The following ABI3BP variants were observed in gnomAD, a reference collection of about 807,000 sequenced individuals.
ABI3BP encodes the protein target of Nesh-SH3.
In ABI3BP, 216 loss-of-function variants were observed where a neutral mutation model predicts 268.6. The observed-to-expected ratio is 0.80, with a 90% CI of 0.72 to 0.90. The LOEUF (loss-of-function observed/expected upper bound fraction) is 0.90. Among genes scored for constraint, ABI3BP ranks in the 40% least tolerant of loss-of-function variants. ABI3BP has a pLI of 0.00. For missense variants in ABI3BP, 2,090 were observed against 2,182.4 expected (o/e 0.96, Z 0.84); for synonymous variants, 730 against 730.0 (o/e 1.00, Z 0.00).
chr3:100,895,279 T>TA (rs2047137563), intron 4 of ABI3BP, among the ~76,000 whole-genome samples: 1 of 152,082 alleles, frequency 6.6e-6, no homozygotes, highest in Admixed American at 6.6e-5. Context: ...ACATCTGCTC[T>TA]CCGATGTGAA....
intron 27 of ABI3BP, 146 bp from the exon 28 acceptor site, chr3:100,835,806 C>A: frequency 1.5e-6 from 1 of 666,478 alleles, no homozygotes; most frequent in Non-Finnish European, 2.5e-6. Flanking sequence ...CCTAAGTAGC[C>A]AAACTATCAT....
At chr3:100,908,536 G>A (rs1281189936) in intron 2 of ABI3BP, among the ~76,000 whole-genome samples, 1 of 150,768 alleles carries the variant, frequency 6.6e-6, no homozygotes, top group Non-Finnish European at 1.5e-5. Flanking sequence ...ATCTCCTTAA[G>A]CTGATAAGCA....
chr3:100,910,201 G>A (rs966590809), intron 2 of ABI3BP, among the ~76,000 whole-genome samples: 10 of 152,094 alleles, frequency 6.6e-5, no homozygotes, highest in East Asian at 1.9e-4. Context: ...TTAGTGGGAG[G>A]TGAACAATGA....
chr3:100,756,931 A>AT (rs1156487098), intron 63 of ABI3BP, among the ~76,000 whole-genome samples: 2 of 152,038 alleles, frequency 1.3e-5, no homozygotes, highest in African/African-American at 4.8e-5. Context: ...TGTTGGTAAA[A>AT]TTTTTTCTGA....
chr3:100,865,234 AG>A (rs1395101400), intron 10 of ABI3BP, among the ~76,000 whole-genome samples: 1 of 152,214 alleles, frequency 6.6e-6, no homozygotes, highest in African/African-American at 2.4e-5. Flanking sequence ...AGAGTAAACA[AG>A]CACATGATTA....
At chr3:100,798,970 C>T (rs1264686997) in intron 51 of ABI3BP, among the ~76,000 whole-genome samples, 1 of 152,114 alleles carries the variant, frequency 6.6e-6, no homozygotes, top group Admixed American at 6.6e-5. Flanking sequence ...CTGGCTTTCC[C>T]TGTGCTCTTG....
chr3:100,829,646 C>T lies in ABI3BP; in HGVS notation c.2477G>A (p.Arg826Gln), dbSNP rs1465448557. The T allele has an allele frequency of 9.8e-6, 15 of 1,535,474 alleles. No individual in the cohort carries two copies. The highest frequency in any genetic ancestry group is 1.2e-5 in the South Asian group (1 of 84,028). ...AGGTTTGGGATGTGGACGATGAGTT[C>T]GTTGAGGCACTTTGGGAGCTAAAGG... ...GTTAAPKVPQRTHRPHPKPKT... is the reference protein window; with the variant it reads ...GTTAAPKVPQQTHRPHPKPKT... Residue 826 changes from arginine to glutamine, a missense_variant, in exon 33 of 68, where the codon CGA becomes CAA. Transcript: ENST00000471714.
In ABI3BP at chr3:100,956,264, T is replaced by C. The variant is rs866553135; in HGVS notation, c.80-29783A>G. 1.3e-3 allele frequency among the ~76,000 whole-genome samples: 170 copies of C among 135,478 alleles called. 2 individuals are homozygous for C. The highest frequency in any genetic ancestry group is 4.6e-3 in the African/African-American group (159 of 34,518). The allele number at this position is 135,478 out of a possible 152,430, so 88.9% of individuals were successfully genotyped here. On this transcript the variant is annotated intron_variant, in intron 1 of 67. Transcript: ENST00000471714. The stretch of plus-strand genomic sequence containing the variant: ...ACACACACACACACACACACACATA[T>C]GGCATGTCAAATGATGGGGTAGATA...
intron 2 of ABI3BP, among the ~76,000 whole-genome samples, chr3:100,913,972 C>G (rs1196276687): frequency 6.6e-6 from 1 of 152,138 alleles, no homozygotes; most frequent in Non-Finnish European, 1.5e-5. Flanking sequence ...TCTTCTACCC[C>G]TTTAATGCCT....
intron 2 of ABI3BP, chr3:100,911,992 A>T (rs2056693303): frequency 3.7e-6 from 3 of 810,078 alleles, no homozygotes; most frequent in Non-Finnish European, 6.5e-6. Flanking sequence ...AAAGCATGGA[A>T]TATATTTCTG....
intron 20 of ABI3BP, among the ~76,000 whole-genome samples, chr3:100,845,962 T>C (rs2098762429): frequency 6.6e-6 from 1 of 152,098 alleles, no homozygotes; most frequent in Non-Finnish European, 1.5e-5. Flanking sequence ...AATACAGGTC[T>C]TTCTGGTCTT....
chr3:100,759,577 G>C (rs1251642484), intron 63 of ABI3BP, among the ~76,000 whole-genome samples: 1 of 152,150 alleles, frequency 6.6e-6, no homozygotes, highest in Non-Finnish European at 1.5e-5. Flanking sequence ...AAATTCCAGA[G>C]TTGGGCTGTA....
In ABI3BP at chr3:100,795,150, G is replaced by A. The variant is rs1291084584; in HGVS notation, c.3866-147C>T. 1.4e-5 allele frequency: 8 copies of A among 571,244 alleles called. No individual in the cohort carries two copies. The East Asian group carries it at 2.5e-4, about 18-fold the overall frequency. 35.4% of individuals were successfully genotyped at this position (571,244 alleles called of 1,614,324 possible). ...GCACACGACTTTCAGAAAAATGACT[G>A]CGGAATATTAGAAAAATGGTTCTCA... On this transcript the variant is annotated intron_variant, in intron 53 of 67. Coordinates refer to ENST00000471714, the MANE Select transcript of ABI3BP (RefSeq NM_001375547.2).
rs570754663 is a variant in ABI3BP, at chr3:100,784,106, C to A, written c.4162+3622G>T. The stretch of plus-strand genomic sequence containing the variant: ...AATACACATACATCAGGGAAAATAT[C>A]TAAAATGAGTGAAATAACATATAAA... On this transcript the variant is annotated intron_variant, in intron 57 of 67. Coordinates refer to ENST00000471714, the MANE Select transcript of ABI3BP (RefSeq NM_001375547.2). 5.9e-5 allele frequency among the ~76,000 whole-genome samples: 9 copies of A among 152,286 alleles called. No individual in the cohort carries two copies. The East Asian group carries it at 1.7e-3, about 29-fold the overall frequency.
intron 33 of ABI3BP, among the ~76,000 whole-genome samples, chr3:100,829,366 A>G (rs1442650409): frequency 1.3e-5 from 2 of 152,160 alleles, no homozygotes; most frequent in African/African-American, 4.8e-5. Flanking sequence ...TATATTCAAC[A>G]TTGAAAGGAT....
chr3:100,762,697 A>G (rs1321197230), intron 63 of ABI3BP, among the ~76,000 whole-genome samples: 1 of 152,186 alleles, frequency 6.6e-6, no homozygotes, highest in Non-Finnish European at 1.5e-5. Flanking sequence ...TTTCAGCCCA[A>G]ACATTTTTGC....
intron 38 of ABI3BP, among the ~76,000 whole-genome samples, chr3:100,821,610 T>G (rs2098228803): frequency 6.7e-6 from 1 of 148,572 alleles, no homozygotes; most frequent in South Asian, 2.2e-4. Flanking sequence ...TTTTTTTTTT[T>G]TTTTTTTTTT....
At chr3:100,840,239 TAGAA>T (rs1266095891) in intron 22 of ABI3BP, 75 bp from the exon 23 acceptor site, 6 of 1,143,330 alleles carry the variant, frequency 5.2e-6, no homozygotes, top group Non-Finnish European at 7.3e-6. Flanking sequence ...ACATCCATCT[TAGAA>T]GGACATTTAA....
intron 53 of ABI3BP, 89 bp downstream of exon 53, chr3:100,795,715 A>C: frequency 1.0e-6 from 1 of 981,386 alleles, no homozygotes. Flanking sequence ...TTGAGAAGAA[A>C]TGATGTTTCA....
Sources: gnomAD v4.1 joint callset for allele counts (sites outside exome capture counted in the v4.1 genomes callset) on GRCh38, gnomAD v4.1.1 for gene constraint, MANE v1.5 for transcripts, NCBI Gene and HGNC (gene_info 2026-07-23, HGNC 2026-07-21) for gene names.